The following MALT1 variants were observed in gnomAD, a reference collection of about 807,000 sequenced individuals.
MALT1 encodes mucosa-associated lymphoid tissue lymphoma translocation protein 1.
A neutral mutation model predicts 85.5 loss-of-function variants in MALT1; 36 were observed. That is an observed-to-expected ratio of 0.42 (90% confidence interval 0.32 to 0.56). The LOEUF (loss-of-function observed/expected upper bound fraction) is 0.56, where lower values mean the gene tolerates loss of function less well. Ranked by LOEUF, MALT1 falls within the 20% of genes least tolerant of loss-of-function variation. The probability of loss-of-function intolerance (pLI) is 0.10; values close to 1 mark genes in which losing one functional copy is unlikely to be tolerated. For missense variants in MALT1, 716 were observed against 981.6 expected (o/e 0.73, Z 3.62); for synonymous variants, 359 against 361.3 (o/e 0.99, Z 0.07).
intron 4 of MALT1, among the ~76,000 whole-genome samples, chr18:58,702,895 TTTTG>T (rs1168564928): frequency 1.3e-5 from 2 of 152,226 alleles, no homozygotes; most frequent in Non-Finnish European, 2.9e-5. Context: ...TCAGATATTA[TTTTG>T]TTTATTTGGT....
At chr18:58,733,003 A>G (rs1401428823) in intron 10 of MALT1, among the ~76,000 whole-genome samples, 2 of 151,842 alleles carry the variant, frequency 1.3e-5, no homozygotes, top group African/African-American at 4.8e-5. Flanking sequence ...CTCCACCTCC[A>G]AGGTTCAAGT....
At position 58,686,090 on chromosome 18, in the gene MALT1, C is replaced by T. The variant is rs538716840; in HGVS notation, c.376+4754C>T. Among the ~76,000 whole-genome samples the T allele has an allele frequency of 6.6e-5, 10 of 152,176 alleles. No individual in the cohort carries two copies. The East Asian group carries it at 7.7e-4, about 12-fold the overall frequency. ...TCACCCAGGCTGGAGTGCAGTGGCG[C>T]GATCTTGGCTCACTGCAACCTCATC... On this transcript the variant is annotated intron_variant, in intron 2 of 16. Transcript: ENST00000649217.
At chr18:58,676,448 T>G (rs1790634037) in intron 1 of MALT1, among the ~76,000 whole-genome samples, 1 of 152,220 alleles carries the variant, frequency 6.6e-6, no homozygotes, top group Non-Finnish European at 1.5e-5. Context: ...ACCTGATATC[T>G]TCTTGTCTCC....
intron 8 of MALT1, among the ~76,000 whole-genome samples, chr18:58,715,200 A>G (rs1216574062): frequency 6.6e-6 from 1 of 152,166 alleles, no homozygotes; most frequent in Non-Finnish European, 1.5e-5. Flanking sequence ...TAGTCTGTTA[A>G]TTCTTGCTTT....
At chr18:58,690,500 T>C in intron 2 of MALT1, 1 of 173,952 alleles carries the variant, frequency 5.7e-6, no homozygotes. Context: ...GGATGGAGTG[T>C]ACGAGATCCC....
intron 15 of MALT1, among the ~76,000 whole-genome samples, chr18:58,744,722 A>G (rs1214159764): frequency 6.6e-6 from 1 of 152,146 alleles, no homozygotes; most frequent in Admixed American, 6.5e-5. Flanking sequence ...GGATGCCTCT[A>G]ATTTCTTATA....
chr18:58,699,243 G>A (rs1032209435), intron 3 of MALT1, among the ~76,000 whole-genome samples: 1 of 151,870 alleles, frequency 6.6e-6, no homozygotes, highest in East Asian at 1.9e-4. Flanking sequence ...GCAGAAAAAG[G>A]AGGTAATTTC....
chr18:58,726,682 TTAAAGA>T (rs1266701237), intron 10 of MALT1, among the ~76,000 whole-genome samples: 1 of 152,188 alleles, frequency 6.6e-6, no homozygotes, highest in African/African-American at 2.4e-5. Context: ...ATACATGTCC[TTAAAGA>T]TAAATAAGGA....
chr18:58,681,829 C>T (rs1257832641), intron 2 of MALT1, among the ~76,000 whole-genome samples: 3 of 152,108 alleles, frequency 2.0e-5, no homozygotes, highest in African/African-American at 7.2e-5. Context: ...ACCTTGTACT[C>T]TTATGAGTTT....
chr18:58,725,013 C>T (rs977785273), intron 10 of MALT1, among the ~76,000 whole-genome samples: 80 of 151,816 alleles, frequency 5.3e-4, no homozygotes, highest in Non-Finnish European at 4.4e-5. Context: ...ATCTGTAATC[C>T]CAGCTACTCA....
At chr18:58,706,662 A>AAAAATTATTT (rs1302774470) in intron 4 of MALT1, among the ~76,000 whole-genome samples, 1 of 152,184 alleles carries the variant, frequency 6.6e-6, no homozygotes, top group African/African-American at 2.4e-5. Context: ...AATAATTTGT[A>AAAAATTATTT]GACAAATTAT....
In MALT1 at chr18:58,718,872, G is replaced by A. The variant is rs149036756; in HGVS notation, c.1018+2905G>A. On this transcript the variant is annotated intron_variant, in intron 9 of 16. Transcript: ENST00000649217. ...AGCCAAGGTGAGGATTTTCAAGGAC[G>A]AATTGGGAGCTCTCAAGGGGATAAA... 1.9e-4 allele frequency among the ~76,000 whole-genome samples: 29 copies of A among 152,232 alleles called. No homozygotes were observed. The East Asian group carries it at 5.2e-3, about 27-fold the overall frequency.
intron 10 of MALT1, among the ~76,000 whole-genome samples, chr18:58,724,298 T>TA (rs2055023894): frequency 6.6e-6 from 1 of 152,184 alleles, no homozygotes; most frequent in Non-Finnish European, 1.5e-5. Context: ...CTCAAAATCT[T>TA]ACTTAAATGA....
intron 2 of MALT1, 85 bp downstream of exon 2, chr18:58,681,421 G>GT: frequency 2.3e-6 from 3 of 1,304,908 alleles, no homozygotes; most frequent in Non-Finnish European, 3.1e-6. Flanking sequence ...GGTGAACTGT[G>GT]TTAAGTATTT....
chr18:58,744,461 TAATG>T lies in MALT1; in HGVS notation c.1878_1881del (p.Met627ValfsTer12). 1 of 1,607,010 alleles carries T rather than the reference TAATG, an allele frequency of 6.2e-7. No homozygotes were observed. Among genetic ancestry groups the T allele is most frequent in the Non-Finnish European group, 8.5e-7 (1 of 1,175,798 alleles). ...ATAGTTTACAAACCACCGGAGATAA[TAATG>T]TGTGATGCCTACGTTACTGATTTTC... On this transcript the variant is annotated frameshift_variant, in exon 15 of 17. Transcript: ENST00000649217. LOFTEE classifies it high-confidence loss of function.
chr18:58,738,914 T>G (rs1436241673), intron 13 of MALT1, among the ~76,000 whole-genome samples: 1 of 152,218 alleles, frequency 6.6e-6, no homozygotes, highest in East Asian at 1.9e-4. Context: ...CATCCTTGTC[T>G]TGTTTCTGAC....
At chr18:58,716,750 A>G (rs1178846070) in intron 9 of MALT1, among the ~76,000 whole-genome samples, 1 of 152,224 alleles carries the variant, frequency 6.6e-6, no homozygotes, top group Non-Finnish European at 1.5e-5. Context: ...TAGATAGGGC[A>G]TATATTCAAA....
intron 6 of MALT1, 137 bp downstream of exon 6, chr18:58,710,209 T>G (rs2054813709): frequency 2.3e-6 from 1 of 427,946 alleles, no homozygotes; most frequent in Admixed American, 4.2e-5. Flanking sequence ...AGAAGTTATA[T>G]TGTTTATATT....
At position 58,705,322 on chromosome 18, in the gene MALT1, G is replaced by GTGTGTGTGTA. The variant is rs1555685559; in HGVS notation, c.650-4055_650-4054insGTGTGTGTAT. On this transcript the variant is annotated intron_variant, in intron 4 of 16. Transcript: ENST00000649217. ...TGTGTGTGTGTGTGTGTGTGTGTGT[G>GTGTGTGTGTA]TATTTATTTTTATTATTATACTTTA... is the stretch of plus-strand genomic sequence containing the variant. Among the ~76,000 whole-genome samples the GTGTGTGTGTA allele has an allele frequency of 4.1e-3, 602 of 148,216 alleles. 6 individuals are homozygous for GTGTGTGTGTA. Among genetic ancestry groups the GTGTGTGTGTA allele is most frequent in the African/African-American group, 0.015 (582 of 40,132 alleles).
Sources: gnomAD v4.1 joint callset for allele counts (sites outside exome capture counted in the v4.1 genomes callset) on GRCh38, gnomAD v4.1.1 for gene constraint, MANE v1.5 for transcripts, NCBI Gene and HGNC (gene_info 2026-07-23, HGNC 2026-07-21) for gene names.